Variants in SNX29 observed in about 807,000 individuals in gnomAD.
SNX29 encodes sorting nexin-29.
In SNX29, 78 loss-of-function variants were observed where a neutral mutation model predicts 102.1. That is an observed-to-expected ratio of 0.76 (90% CI 0.64 to 0.92). The LOEUF is 0.92. SNX29 is among the 40% of genes least tolerant of loss of function. SNX29 has a pLI of 0.00. For missense variants in SNX29, 1,280 were observed against 1,061.7 expected (o/e 1.21, Z -2.86); for synonymous variants, 580 against 414.5 (o/e 1.40, Z -4.85).
chr16:12,162,289 C>G (rs920705366), intron 13 of SNX29, among the ~76,000 whole-genome samples: 9 of 152,196 alleles, frequency 5.9e-5, no homozygotes, highest in African/African-American at 1.9e-4. Flanking sequence ...CATCCTAGTA[C>G]CATGCGTCAT....
At chr16:12,537,968 G>A (rs1044152245) in intron 20 of SNX29, among the ~76,000 whole-genome samples, 8 of 127,748 alleles carry the variant, frequency 6.3e-5, no homozygotes, top group Non-Finnish European at 1.1e-4. Context: ...CTGGGCAATA[G>A]AGCAAAACTC....
intron 18 of SNX29, among the ~76,000 whole-genome samples, chr16:12,431,954 T>G (rs2085335075): frequency 6.6e-6 from 1 of 152,222 alleles, no homozygotes; most frequent in Non-Finnish European, 1.5e-5. Context: ...GCCTCTTCTG[T>G]GCCCTGGGGA....
intron 18 of SNX29, among the ~76,000 whole-genome samples, chr16:12,464,197 C>T (rs1167841501): frequency 1.3e-5 from 2 of 148,484 alleles, no homozygotes; most frequent in South Asian, 2.2e-4. Flanking sequence ...ACAGAATTCC[C>T]TTCTTTTTTA....
chr16:12,548,597 C>T (rs372290235), intron 20 of SNX29, among the ~76,000 whole-genome samples: 37 of 152,256 alleles, frequency 2.4e-4, no homozygotes, highest in African/African-American at 5.1e-4. Flanking sequence ...ACTCCAGGCC[C>T]GGGTACTCTG....
rs968128313 is a variant in SNX29, at chr16:12,445,955, C to T, written c.2038-31764C>T. On this transcript the variant is annotated intron_variant, in intron 18 of 20. Transcript: ENST00000566228. ...TGTGAAAAGGGAGTGCATTCAAACCCAAGAGGTGGAGCTCCCGAGTCCACG... is the reference window on the plus strand; with the variant it reads ...TGTGAAAAGGGAGTGCATTCAAACCTAAGAGGTGGAGCTCCCGAGTCCACG... 2.6e-5 allele frequency among the ~76,000 whole-genome samples: 4 copies of T among 151,998 alleles called. No individual in the cohort carries two copies. The South Asian group carries it at 8.3e-4, about 31-fold the overall frequency.
chr16:12,268,468 A>G (rs982730373), intron 14 of SNX29, among the ~76,000 whole-genome samples: 11 of 152,204 alleles, frequency 7.2e-5, no homozygotes, highest in South Asian at 4.1e-4. Flanking sequence ...TCCCTTTGCT[A>G]CAGTGAGCAC....
intron 14 of SNX29, among the ~76,000 whole-genome samples, chr16:12,232,356 G>A (rs911268079): frequency 3.3e-5 from 5 of 152,124 alleles, no homozygotes; most frequent in Non-Finnish European, 7.4e-5. Flanking sequence ...GTGAAACCCC[G>A]TCTCTACTAA....
chr16:12,154,311 G>A (rs2055434661), intron 13 of SNX29, among the ~76,000 whole-genome samples: 1 of 151,746 alleles, frequency 6.6e-6, no homozygotes, highest in Admixed American at 6.6e-5. Context: ...CCAGGCTTGA[G>A]GGCTTTTCTA....
At chr16:12,436,267 C>A (rs1383771938) in intron 18 of SNX29, among the ~76,000 whole-genome samples, 1 of 152,136 alleles carries the variant, frequency 6.6e-6, no homozygotes, top group Non-Finnish European at 1.5e-5. Context: ...CGCTGGCTCT[C>A]CACAGGAGGC....
intron 12 of SNX29, among the ~76,000 whole-genome samples, chr16:12,129,333 G>A (rs1256181025): frequency 2.0e-5 from 3 of 152,192 alleles, no homozygotes; most frequent in Non-Finnish European, 4.4e-5. Flanking sequence ...GGACTTGGCT[G>A]GAATTTGCTC....
At chr16:12,560,240 G>C (rs528791598) in intron 20 of SNX29, among the ~76,000 whole-genome samples, 4 of 148,240 alleles carry the variant, frequency 2.7e-5, no homozygotes, top group Admixed American at 7.0e-5. Context: ...CAGAAGAAAA[G>C]CCTGAAGCTT....
At chr16:12,300,496 G>A (rs2080133755) in intron 15 of SNX29, among the ~76,000 whole-genome samples, 2 of 152,044 alleles carry the variant, frequency 1.3e-5, no homozygotes, top group Admixed American at 6.6e-5. Context: ...GTTTATGAAC[G>A]ACTTAATAGT....
chr16:12,320,350 C>G (rs1323439035), intron 15 of SNX29, among the ~76,000 whole-genome samples: 1 of 152,056 alleles, frequency 6.6e-6, no homozygotes, highest in Non-Finnish European at 1.5e-5. Context: ...AGAGCCAGAA[C>G]CATGCCTGTC....
At chr16:12,266,851 C>T (rs147341163) in intron 14 of SNX29, among the ~76,000 whole-genome samples, 2,144 of 152,262 alleles carry the variant, frequency 0.014, 26 homozygotes, top group South Asian at 0.03. Flanking sequence ...CCAACCTCTG[C>T]CCCCTGGGTT....
At chr16:12,344,550 A>C (rs551550656) in intron 15 of SNX29, among the ~76,000 whole-genome samples, 5 of 152,342 alleles carry the variant, frequency 3.3e-5, no homozygotes, top group African/African-American at 1.2e-4. Context: ...AAATGAATGA[A>C]AGAATCTGAG....
At chr16:12,436,928 C>T (rs933417537) in intron 18 of SNX29, among the ~76,000 whole-genome samples, 4 of 152,242 alleles carry the variant, frequency 2.6e-5, no homozygotes, top group African/African-American at 9.6e-5. Context: ...GCTGGGATTA[C>T]AGGCATGAGC....
chr16:12,034,429 A>G (rs954295607), intron 4 of SNX29, among the ~76,000 whole-genome samples: 7 of 152,208 alleles, frequency 4.6e-5, no homozygotes, highest in African/African-American at 7.2e-5. Context: ...GCAGAGCTCC[A>G]TTCAAGGTGA....
intron 7 of SNX29, among the ~76,000 whole-genome samples, chr16:12,049,463 G>C (rs970297416): frequency 6.6e-6 from 1 of 151,926 alleles, no homozygotes; most frequent in African/African-American, 2.4e-5. Context: ...CTTCTGAGTA[G>C]GTGGGACTAT....
At chr16:12,372,177 C>T (rs2082710927) in intron 16 of SNX29, among the ~76,000 whole-genome samples, 1 of 152,150 alleles carries the variant, frequency 6.6e-6, no homozygotes, top group East Asian at 1.9e-4. Context: ...CTATTTTTAA[C>T]ACAAATGGGA....
Sources: gnomAD v4.1 joint callset for allele counts (sites outside exome capture counted in the v4.1 genomes callset) on GRCh38, gnomAD v4.1.1 for gene constraint, MANE v1.5 for transcripts, NCBI Gene and HGNC (gene_info 2026-07-23, HGNC 2026-07-21) for gene names.